RAP1A: variants seen among roughly 807,000 people sequenced by gnomAD.
RAP1A encodes RAP1A, member of RAS oncogene family, also known as ras-related protein Rap-1A.
RAP1A carries 6 observed loss-of-function variants against 26.4 expected under a neutral mutation model. The ratio of observed to expected loss-of-function variants is 0.23; its 90% confidence interval spans 0.12 to 0.45. RAP1A has a LOEUF of 0.45. RAP1A is among the 20% of genes least tolerant of loss of function. The pLI, the probability that RAP1A is intolerant of heterozygous loss-of-function variation, is 0.99. For synonymous variants in RAP1A, 73 were observed against 79.4 expected (o/e 0.92, Z 0.43); for missense variants, 121 against 217.2 (o/e 0.56, Z 2.78).
chr1:111,662,416 A>C (rs1571540766), intron 1 of RAP1A, among the ~76,000 whole-genome samples: 1 of 146,258 alleles, frequency 6.8e-6, no homozygotes, highest in Non-Finnish European at 1.5e-5. Flanking sequence ...AAAAAAAAAA[A>C]AATTAACTTG....
intron 1 of RAP1A, among the ~76,000 whole-genome samples, chr1:111,676,243 C>T (rs1661119630): frequency 6.6e-6 from 1 of 152,074 alleles, no homozygotes; most frequent in Non-Finnish European, 1.5e-5. Flanking sequence ...GTAATCCCAG[C>T]TACTTGAGAG....
chr1:111,572,931 A>G (rs1289570526), intron 1 of RAP1A, among the ~76,000 whole-genome samples: 1 of 152,050 alleles, frequency 6.6e-6, no homozygotes, highest in Non-Finnish European at 1.5e-5. Flanking sequence ...TCCAGTGTCT[A>G]TCGTTCCCCT....
intron 1 of RAP1A, among the ~76,000 whole-genome samples, chr1:111,603,356 A>T (rs1658707195): frequency 6.6e-6 from 1 of 152,124 alleles, no homozygotes; most frequent in Admixed American, 6.5e-5. Flanking sequence ...AATGACAACA[A>T]AGGAAAATTG....
chr1:111,647,179 C>T (rs1660097611), intron 1 of RAP1A, among the ~76,000 whole-genome samples: 1 of 152,008 alleles, frequency 6.6e-6, no homozygotes, highest in South Asian at 2.1e-4. Flanking sequence ...ATTAGATTCT[C>T]ATAGGAGTGC....
chr1:111,563,095 A>G (rs918971109), intron 1 of RAP1A, among the ~76,000 whole-genome samples: 4 of 152,218 alleles, frequency 2.6e-5, no homozygotes. Context: ...ACAGCTAGTA[A>G]GTAAGCAAAA....
chr1:111,688,927 C>T (rs914983587), intron 1 of RAP1A, among the ~76,000 whole-genome samples: 4 of 151,288 alleles, frequency 2.6e-5, no homozygotes, highest in South Asian at 2.1e-4. Context: ...CTCTGCCTTC[C>T]GAGCTCAAGG....
At chr1:111,697,375 T>G (rs1661866909) in intron 3 of RAP1A, 66 bp from the exon 4 acceptor site, 1 of 1,604,504 alleles carries the variant, frequency 6.2e-7, no homozygotes, top group Non-Finnish European at 8.5e-7. Flanking sequence ...ATGGAAGAGG[T>G]GGGAAGAAAA....
rs535142876 is a variant in RAP1A at position 111,614,727 on chromosome 1, G to A, written c.-28+72218G>A. On this transcript the variant is annotated intron_variant, in intron 1 of 7. Transcript: ENST00000356415. ...ATGTTACTGTTAGAGTTAGACAGGG[G>A]TATGGATGCTCTACAGATTTCATGA... Among the ~76,000 whole-genome samples, 10 of 152,312 alleles carry A rather than the reference G, an allele frequency of 6.6e-5. No homozygotes were observed. The South Asian group carries it at 1.9e-3, about 28-fold the overall frequency.
At position 111,699,463 on chromosome 1, in the gene RAP1A, C is replaced by CTTTTTTTTTT. The variant is rs11435540; in HGVS notation, c.183+1973_183+1982dup. Among the ~76,000 whole-genome samples, 550 of 124,116 alleles carry CTTTTTTTTTT rather than the reference C, an allele frequency of 4.4e-3. 21 individuals carry two copies. Among genetic ancestry groups the CTTTTTTTTTT allele is most frequent in the African/African-American group, 0.016 (511 of 32,878 alleles). 81.4% of individuals were successfully genotyped at this position (124,116 alleles called of 152,430 possible). A position where few individuals can be genotyped will look rare whatever the true frequency, so the allele number is the denominator to read the frequency against. On this transcript the variant is annotated intron_variant, in intron 4 of 7. Coordinates refer to ENST00000369709, the MANE Select transcript of RAP1A (RefSeq NM_002884.4). ...TTTTTCTTTATCCATCTCACTTCCT[C>CTTTTTTTTTT]TTTTTTTTTTTTTTTTGAAACAGGG... is the stretch of plus-strand genomic sequence containing the variant.
chr1:111,613,601 A>G (rs1658964014), intron 1 of RAP1A, among the ~76,000 whole-genome samples: 1 of 152,230 alleles, frequency 6.6e-6, no homozygotes, highest in Non-Finnish European at 1.5e-5. Context: ...TGATAGGATT[A>G]AATGAAACGC....
upstream of RAP1A, among the ~76,000 whole-genome samples, chr1:111,619,433 C>T (rs1476758921): frequency 1.3e-4 from 20 of 152,230 alleles, no homozygotes; most frequent in Non-Finnish European, 2.6e-4. Context: ...CTGTCTATGA[C>T]TTTAAACCTC....
chr1:111,683,165 A>C (rs1661360102), intron 1 of RAP1A, among the ~76,000 whole-genome samples: 1 of 152,234 alleles, frequency 6.6e-6, no homozygotes, highest in Admixed American at 6.5e-5. Flanking sequence ...ACACAGCTAA[A>C]GCAGTGTTTT....
chr1:111,575,304 T>C (rs568466031), intron 1 of RAP1A, among the ~76,000 whole-genome samples: 18 of 152,154 alleles, frequency 1.2e-4, no homozygotes, highest in South Asian at 8.3e-4. Flanking sequence ...CAGGCATGCA[T>C]CACCACACTC....
At chr1:111,600,522 C>T (rs1047705425) in intron 1 of RAP1A, among the ~76,000 whole-genome samples, 1 of 152,238 alleles carries the variant, frequency 6.6e-6, no homozygotes, top group Admixed American at 6.5e-5. Context: ...CTAGCCTCCC[C>T]TCTCCAGCGT....
upstream of RAP1A, among the ~76,000 whole-genome samples, chr1:111,619,548 C>T (rs1051340475): frequency 5.9e-5 from 9 of 152,226 alleles, no homozygotes; most frequent in Non-Finnish European, 8.8e-5. Flanking sequence ...TGGACCCTTC[C>T]TCATCTTTTT....
rs371672925 is a variant in RAP1A at position 111,636,846 on chromosome 1, G to T, written c.-28+16912G>T. On this transcript the variant is annotated intron_variant, in intron 1 of 7. Transcript: ENST00000369709. ...TGACTGGGAATTTCTAGATTTCTAG[G>T]CTCTTATATTATTTCTATTACTTCA... Among the ~76,000 whole-genome samples the T allele has an allele frequency of 3.5e-3, 526 of 152,162 alleles. 34 individuals carry two copies. The South Asian group carries it at 0.11, about 31-fold the overall frequency.
chr1:111,547,714 G>T (rs1262164922), intron 1 of RAP1A, among the ~76,000 whole-genome samples: 1 of 152,174 alleles, frequency 6.6e-6, no homozygotes, highest in East Asian at 1.9e-4. Context: ...AATCAGGACT[G>T]TAAGATGGAT....
intron 1 of RAP1A, among the ~76,000 whole-genome samples, chr1:111,626,672 A>T (rs1659412583): frequency 6.6e-6 from 1 of 152,216 alleles, no homozygotes; most frequent in South Asian, 2.1e-4. Flanking sequence ...ATTAATTATG[A>T]TGTGTTTATA....
At chr1:111,545,293 C>CT (rs1376133513) in intron 1 of RAP1A, among the ~76,000 whole-genome samples, 3 of 151,766 alleles carry the variant, frequency 2.0e-5, no homozygotes, top group Non-Finnish European at 2.9e-5. Flanking sequence ...CTTATTTTTC[C>CT]TTTTTTTTAA....
Sources: gnomAD v4.1 joint callset for allele counts (sites outside exome capture counted in the v4.1 genomes callset) on GRCh38, gnomAD v4.1.1 for gene constraint, MANE v1.5 for transcripts, NCBI Gene and HGNC (gene_info 2026-07-23, HGNC 2026-07-21) for gene names.